Variants in KCNN3 observed in about 807,000 individuals in gnomAD.
The protein encoded by KCNN3 is potassium calcium-activated channel subfamily N member 3, also known as small conductance calcium-activated potassium channel protein 3.
Under a neutral mutation model 62.9 loss-of-function variants are expected in KCNN3, and 16 were observed. That is an observed-to-expected ratio of 0.25 (90% CI 0.17 to 0.39). KCNN3 has a LOEUF of 0.39. Ranked by LOEUF, KCNN3 falls within the 10% of genes least tolerant of loss-of-function variation. The probability of loss-of-function intolerance (pLI) is 1.00; values close to 1 mark genes in which losing one functional copy is unlikely to be tolerated. For synonymous variants in KCNN3, 370 were observed against 389.2 expected, an observed-to-expected ratio of 0.95 and a Z score of 0.58; for missense variants, 599 against 949.4, an observed-to-expected ratio of 0.63 and a Z score of 4.85.
intron 3 of KCNN3, among the ~76,000 whole-genome samples, chr1:154,763,833 G>A (rs1473632148): frequency 2.0e-5 from 3 of 152,150 alleles, no homozygotes; most frequent in Non-Finnish European, 2.9e-5. Flanking sequence ...AAAAGAAGAT[G>A]TTTGTTTATA....
intron 3 of KCNN3, among the ~76,000 whole-genome samples, chr1:154,748,151 A>T (rs1455096680): frequency 1.3e-5 from 2 of 151,984 alleles, no homozygotes; most frequent in Non-Finnish European, 2.9e-5. Context: ...TGACGTTTAA[A>T]CCTGGTCTCA....
At chr1:154,815,015 C>A (rs1650601567) in intron 2 of KCNN3, among the ~76,000 whole-genome samples, 1 of 152,214 alleles carries the variant, frequency 6.6e-6, no homozygotes, top group Non-Finnish European at 1.5e-5. Flanking sequence ...AGGAGGCCCC[C>A]ATCTGGAATT....
At position 154,706,513 on chromosome 1, in the gene KCNN3, C is replaced by G. The variant is rs542291301; in HGVS notation, c.*1463G>C. On this transcript the variant is annotated 3_prime_UTR_variant, in exon 8 of 8. Transcript: ENST00000271915. ...GAGCAATGAAAACATTTTTCTGCGC[C>G]GCTCATTACACTAAATCTTGATGTT... The G allele has an allele frequency of 6.6e-6, 1 of 152,120 alleles. No individual in the cohort carries two copies. Among genetic ancestry groups the G allele is most frequent in the Admixed American group, 6.5e-5 (1 of 15,268 alleles). 9.4% of individuals were successfully genotyped at this position (152,120 alleles called of 1,614,324 possible).
chr1:154,832,720 G>A (rs1200313464), intron 1 of KCNN3, among the ~76,000 whole-genome samples: 1 of 152,178 alleles, frequency 6.6e-6, no homozygotes, highest in Non-Finnish European at 1.5e-5. Flanking sequence ...GAATAAAACA[G>A]CAGGAAATCA....
intron 2 of KCNN3, among the ~76,000 whole-genome samples, chr1:154,801,348 A>G (rs1330097922): frequency 2.0e-5 from 3 of 151,982 alleles, no homozygotes; most frequent in Non-Finnish European, 4.4e-5. Flanking sequence ...TCTATCCACA[A>G]TCATTAGGGG....
chr1:154,738,110 C>G (rs535587996), intron 3 of KCNN3, among the ~76,000 whole-genome samples: 11 of 152,228 alleles, frequency 7.2e-5, no homozygotes, highest in African/African-American at 2.6e-4. Context: ...GTTTCTAGAT[C>G]AAAGGCTCAC....
chr1:154,708,103 G>C lies in KCNN3; in HGVS notation c.2069C>G (p.Ser690Cys). Residue 690 changes from serine to cysteine, a missense_variant, in exon 8 of 8, where the codon TCT becomes TGT. This residue lies in a region of KCNN3 where 288 missense variants were observed against 557.4 expected (regional missense o/e 0.52). Transcript: ENST00000271915. Reference sequence around the variant, plus strand: ...GACACCCCGGGCCTCGATGATGGCAGACAGGAGCTGCTGCTGCTGCTGGCG... The same window carrying C: ...GACACCCCGGGCCTCGATGATGGCACACAGGAGCTGCTGCTGCTGCTGGCG... ...TLRQQQQQLL[S>C]AIIEARGVSV... The C allele has an allele frequency of 6.2e-7, 1 of 1,613,988 alleles. No individual in the cohort carries two copies. Among genetic ancestry groups the C allele is most frequent in the African/African-American group, 1.3e-5 (1 of 75,062 alleles).
At chr1:154,857,552 A>C (rs1652589238) in intron 1 of KCNN3, among the ~76,000 whole-genome samples, 1 of 152,166 alleles carries the variant, frequency 6.6e-6, no homozygotes, top group Admixed American at 6.5e-5. Flanking sequence ...GAGCTCAGGC[A>C]GGGCAGGAGA....
At chr1:154,756,227 G>A (rs1647696673) in intron 3 of KCNN3, among the ~76,000 whole-genome samples, 2 of 148,934 alleles carry the variant, frequency 1.3e-5, no homozygotes, top group Non-Finnish European at 3.0e-5. Flanking sequence ...TAGAGGAGGA[G>A]GAAGAGCAAG....
chr1:154,806,849 G>A (rs896603732), intron 2 of KCNN3, among the ~76,000 whole-genome samples: 4 of 152,058 alleles, frequency 2.6e-5, no homozygotes, highest in African/African-American at 7.2e-5. Context: ...GGTTTCCTGC[G>A]GTCCCTGAAA....
At chr1:154,746,734 G>T (rs898002462) in intron 3 of KCNN3, among the ~76,000 whole-genome samples, 1 of 152,164 alleles carries the variant, frequency 6.6e-6, no homozygotes, top group African/African-American at 2.4e-5. Flanking sequence ...GAGGGAAAGG[G>T]TTTCTGCCTC....
In KCNN3 at chr1:154,706,396, G is replaced by A. The variant is rs192248773; in HGVS notation, c.*1580C>T. On this transcript the variant is annotated 3_prime_UTR_variant, in exon 8 of 8. Transcript: ENST00000271915. ...CAACAGATGAAATAGTCCATACAGT[G>A]CCATTCAATTTCCCACAGGCAGAAA... is the stretch of plus-strand genomic sequence containing the variant. The A allele has an allele frequency of 3.9e-5, 6 of 152,320 alleles. No homozygotes were observed. Among genetic ancestry groups the A allele is most frequent in the Non-Finnish European group, 5.9e-5 (4 of 68,030 alleles). 9.4% of individuals were successfully genotyped at this position (152,320 alleles called of 1,614,324 possible).
intron 3 of KCNN3, among the ~76,000 whole-genome samples, chr1:154,763,797 T>A (rs1230957903): frequency 2.6e-5 from 4 of 152,144 alleles, no homozygotes; most frequent in Non-Finnish European, 5.9e-5. Flanking sequence ...GTTGATCAAT[T>A]TTTTAAAGTG....
At chr1:154,726,596 C>T (rs928470630) in intron 4 of KCNN3, among the ~76,000 whole-genome samples, 4 of 152,224 alleles carry the variant, frequency 2.6e-5, no homozygotes, top group Non-Finnish European at 4.4e-5. Context: ...CAGGTTGGCA[C>T]GAACACGTGC....
At chr1:154,752,190 T>G (rs1647410048) in intron 3 of KCNN3, among the ~76,000 whole-genome samples, 1 of 152,206 alleles carries the variant, frequency 6.6e-6, no homozygotes, top group African/African-American at 2.4e-5. Flanking sequence ...TTAGGTGAAC[T>G]CTGGTCTGCT....
chr1:154,800,041 T>C (rs1649892749), intron 2 of KCNN3, among the ~76,000 whole-genome samples: 1 of 152,240 alleles, frequency 6.6e-6, no homozygotes, highest in Admixed American at 6.5e-5. Flanking sequence ...GACGTATGCA[T>C]GGGAAACAGC....
chr1:154,711,322 A>G (rs1238252230), intron 7 of KCNN3, among the ~76,000 whole-genome samples: 1 of 124,036 alleles, frequency 8.1e-6, no homozygotes, highest in African/African-American at 3.1e-5. Flanking sequence ...GAAGGGGAAC[A>G]TCACACTCCA....
At chr1:154,860,361 C>T (rs1321826065) in intron 1 of KCNN3, among the ~76,000 whole-genome samples, 1 of 152,196 alleles carries the variant, frequency 6.6e-6, no homozygotes, top group Non-Finnish European at 1.5e-5. Context: ...GTCCCCCTGA[C>T]CTTCCTCCAG....
intron 2 of KCNN3, among the ~76,000 whole-genome samples, chr1:154,812,711 T>G (rs1650467650): frequency 6.6e-6 from 1 of 152,208 alleles, no homozygotes; most frequent in Admixed American, 6.5e-5. Context: ...AGCTCCTGTG[T>G]GTAAGAGACT....
Sources: gnomAD v4.1 joint callset for allele counts (sites outside exome capture counted in the v4.1 genomes callset) on GRCh38, gnomAD v4.1.1 for gene constraint, gnomAD v4.1.1 regional missense constraint, MANE v1.5 for transcripts, NCBI Gene and HGNC (gene_info 2026-07-23, HGNC 2026-07-21) for gene names.